The following DNAH11 variants were observed in gnomAD, a reference collection of about 807,000 sequenced individuals.
DNAH11 encodes the protein dynein axonemal heavy chain 11.
DNAH11 carries 442 observed loss-of-function variants against 526.0 expected under a neutral mutation model. The ratio of observed to expected loss-of-function variants is 0.84; its 90% CI spans 0.78 to 0.91. The LOEUF (loss-of-function observed/expected upper bound fraction) is 0.91, where lower values mean the gene tolerates loss of function less well. Among genes scored for constraint, DNAH11 ranks in the 40% least tolerant of loss-of-function variants. The pLI is 0.00. For synonymous variants in DNAH11, 2,461 were observed against 1,935.9 expected (o/e 1.27, Z -7.12); for missense variants, 6,989 against 5,448.7 (o/e 1.28, Z -8.90).
rs747814469 is a variant in DNAH11 at position 21,765,604 on chromosome 7, C to T, written c.9102+15C>T. 4.6e-6 allele frequency: 4 copies of T among 867,172 alleles called. No individual in the cohort carries two copies. In the Admixed American group the frequency reaches 7.1e-5, roughly 15 times the overall value. The allele number at this position is 867,172 out of a possible 1,614,324, so 53.7% of individuals were successfully genotyped here. Reference sequence around the variant, plus strand: ...AGGGAATTGAGGTATGCCGTGTCAGCCTGCGTCACACACACACACACACAC... The same window carrying T: ...AGGGAATTGAGGTATGCCGTGTCAGTCTGCGTCACACACACACACACACAC... On this transcript the variant is annotated intron_variant, in intron 55 of 81. Coordinates refer to ENST00000409508, the MANE Select transcript of DNAH11 (RefSeq NM_001277115.2).
intron 43 of DNAH11, among the ~76,000 whole-genome samples, chr7:21,719,318 C>T (rs1450310281): frequency 6.6e-6 from 1 of 152,104 alleles, no homozygotes; most frequent in Non-Finnish European, 1.5e-5. Context: ...CTCTGTTTTC[C>T]GATATATGAC....
At chr7:21,568,689 A>G (rs572299980) in intron 6 of DNAH11, among the ~76,000 whole-genome samples, 1 of 152,308 alleles carries the variant, frequency 6.6e-6, no homozygotes, top group Admixed American at 6.5e-5. Flanking sequence ...ACAGGAATAA[A>G]CATTAAGCAT....
intron 61 of DNAH11, among the ~76,000 whole-genome samples, chr7:21,794,170 C>T (rs532344965): frequency 2.6e-5 from 4 of 152,110 alleles, no homozygotes; most frequent in Non-Finnish European, 2.9e-5. Context: ...ATCTTGGAGT[C>T]GGCTGAGTTT....
At chr7:21,650,060 C>G (rs1290839831) in intron 28 of DNAH11, among the ~76,000 whole-genome samples, 1 of 151,926 alleles carries the variant, frequency 6.6e-6, no homozygotes, top group Non-Finnish European at 1.5e-5. Flanking sequence ...TCCCATTTTT[C>G]TGCATATATG....
In DNAH11 at chr7:21,880,856, C is replaced by A. The variant is rs1044747477; in HGVS notation, c.12350C>A (p.Ala4117Asp). 1 of 1,613,002 alleles carries A rather than the reference C, an allele frequency of 6.2e-7. No individual in the cohort carries two copies. The highest frequency in any genetic ancestry group is 1.3e-5 in the African/African-American group (1 of 74,878). Reference sequence around the variant, plus strand: ...AATCCTGGAGACCTCACCATTTGTGCCAGTGTCCTCTACAACTACTTAGAG... The same window carrying A: ...AATCCTGGAGACCTCACCATTTGTGACAGTGTCCTCTACAACTACTTAGAG... ...PFNPGDLTIC[A>D]SVLYNYLEAN... The change falls in exon 75 of 82, where the codon GCC (alanine) becomes GAC (aspartate). Residue 4117 changes from alanine (A) to aspartate (D), a missense_variant. Physicochemically the swap from Ala to Asp is moderately radical, Grantham distance 126. Transcript: ENST00000409508.
At chr7:21,821,663 A>G (rs912273142) in intron 65 of DNAH11, among the ~76,000 whole-genome samples, 3 of 152,130 alleles carry the variant, frequency 2.0e-5, no homozygotes, top group African/African-American at 7.2e-5. Context: ...TCAAGTCAGG[A>G]TGACTGGGAT....
At chr7:21,679,620 T>G (rs1005228435) in intron 30 of DNAH11, among the ~76,000 whole-genome samples, 1 of 152,174 alleles carries the variant, frequency 6.6e-6, no homozygotes, top group Non-Finnish European at 1.5e-5. Context: ...TATTTTTATT[T>G]CTTTAAGCCA....
intron 42 of DNAH11, among the ~76,000 whole-genome samples, chr7:21,715,194 A>G (rs1025548471): frequency 5.9e-5 from 9 of 152,212 alleles, no homozygotes; most frequent in East Asian, 1.9e-4. Context: ...AGTCTGTTCA[A>G]TTCCTTCTAT....
At chr7:21,764,652 C>G (rs952836865) in intron 54 of DNAH11, among the ~76,000 whole-genome samples, 1 of 152,180 alleles carries the variant, frequency 6.6e-6, no homozygotes, top group Non-Finnish European at 1.5e-5. Flanking sequence ...AGGAGCTGAC[C>G]AGGTGCTCCT....
intron 54 of DNAH11, among the ~76,000 whole-genome samples, chr7:21,753,299 T>C (rs551193161): frequency 6.6e-6 from 1 of 152,318 alleles, no homozygotes; most frequent in Admixed American, 6.5e-5. Flanking sequence ...CCTAAGCTCA[T>C]GTCTTACTGG....
intron 61 of DNAH11, among the ~76,000 whole-genome samples, chr7:21,795,008 T>C (rs1788650598): frequency 6.6e-6 from 1 of 152,148 alleles, no homozygotes. Flanking sequence ...CTGGGTAGTG[T>C]CTCTGAGTTC....
intron 1 of DNAH11, among the ~76,000 whole-genome samples, 193 bp from the exon 2 acceptor site, chr7:21,544,813 C>A (rs971109639): frequency 1.3e-5 from 2 of 151,850 alleles, no homozygotes; most frequent in Admixed American, 1.3e-4. Context: ...GTGAAATTAG[C>A]ATTATAAAAG....
At chr7:21,824,717 G>T (rs978151178) in intron 65 of DNAH11, among the ~76,000 whole-genome samples, 1 of 152,146 alleles carries the variant, frequency 6.6e-6, no homozygotes, top group Non-Finnish European at 1.5e-5. Flanking sequence ...GTTTTAACAC[G>T]TGTGTGTATT....
intron 66 of DNAH11, among the ~76,000 whole-genome samples, chr7:21,846,111 A>C (rs879758903): frequency 2.6e-5 from 4 of 152,214 alleles, no homozygotes; most frequent in East Asian, 1.9e-4. Context: ...CCTGCTTATT[A>C]GTTGCAAGAG....
intron 14 of DNAH11, among the ~76,000 whole-genome samples, chr7:21,594,591 C>G (rs957409417): frequency 6.6e-6 from 1 of 152,024 alleles, no homozygotes; most frequent in Non-Finnish European, 1.5e-5. Context: ...CAGAGTAGGC[C>G]TCAACCAGAA....
intron 12 of DNAH11, among the ~76,000 whole-genome samples, chr7:21,590,223 T>C (rs1032094697): frequency 1.4e-4 from 22 of 152,330 alleles, no homozygotes; most frequent in Admixed American, 1.2e-3. Context: ...TAGATGTGCA[T>C]GTATATATGT....
chr7:21,581,869 T>A (rs1784320677), intron 8 of DNAH11, 36 bp from the exon 9 acceptor site: 2 of 1,355,110 alleles, frequency 1.5e-6, no homozygotes, highest in South Asian at 2.4e-5. Context: ...GTTGGATTAT[T>A]TCCAATATAC....
In DNAH11 at chr7:21,892,436, A is replaced by G. The variant is rs1339603009; in HGVS notation, c.12519A>G (p.Glu4173=). The change falls in exon 77 of 82, where the codon GAA becomes GAG. Residue 4173 remains glutamate (E), a synonymous_variant. Coordinates refer to ENST00000409508, the MANE Select transcript of DNAH11 (RefSeq NM_001277115.2). The part of the protein sequence containing the change: ...EFMNPSLTED[E]LMLAPGFAAP... Reference sequence around the variant, plus strand: ...CTTTGTGGTTCAAGACTGAAGATGAACTGATGCTGGCACCAGGTTTTGCTG... The same window carrying G: ...CTTTGTGGTTCAAGACTGAAGATGAGCTGATGCTGGCACCAGGTTTTGCTG... The G allele has an allele frequency of 6.2e-7, 1 of 1,610,414 alleles. No individual in the cohort carries two copies. The highest frequency in any genetic ancestry group is 1.1e-5 in the South Asian group (1 of 90,832).
At chr7:21,686,656 A>G (rs1213150338) in intron 32 of DNAH11, among the ~76,000 whole-genome samples, 3 of 148,834 alleles carry the variant, frequency 2.0e-5, no homozygotes, top group Non-Finnish European at 3.0e-5. Flanking sequence ...TAGAAATTAC[A>G]TATCTCTTAA....
Sources: allele counts gnomAD v4.1 joint callset (sites outside exome capture counted in the v4.1 genomes callset), GRCh38; gene constraint gnomAD v4.1.1; transcripts MANE v1.5; gene names NCBI Gene and HGNC (gene_info 2026-07-23, HGNC 2026-07-21).